The following GLT1D1 variants were observed in gnomAD, a reference collection of about 807,000 sequenced individuals.
GLT1D1 encodes glycosyltransferase 1 domain containing 1.
In GLT1D1, 21 loss-of-function variants were observed where a neutral mutation model predicts 28.7. The observed-to-expected ratio is 0.73, with a 90% CI of 0.52 to 1.05. GLT1D1 has a LOEUF of 1.05. Among genes scored for constraint, GLT1D1 ranks in the 50% least tolerant of loss-of-function variants. The probability of loss-of-function intolerance (pLI) is 0.00; values close to 1 mark genes in which losing one functional copy is unlikely to be tolerated. For synonymous variants in GLT1D1, 147 were observed against 124.8 expected, an observed-to-expected ratio of 1.18 and a Z score of -1.19; for missense variants, 343 against 330.6, an observed-to-expected ratio of 1.04 and a Z score of -0.29.
chr12:128,863,215 T>A (rs1319742924), intron 1 of GLT1D1, among the ~76,000 whole-genome samples: 10 of 152,072 alleles, frequency 6.6e-5, no homozygotes, highest in Non-Finnish European at 2.9e-5. Flanking sequence ...AAGGGTCTGA[T>A]CGAACACCGA....
At chr12:128,979,732 A>G (rs1384927644) in intron 7 of GLT1D1, among the ~76,000 whole-genome samples, 1 of 151,538 alleles carries the variant, frequency 6.6e-6, no homozygotes, top group Non-Finnish European at 1.5e-5. Flanking sequence ...CAGCCTGGGT[A>G]ACACTGCGAG....
intron 2 of GLT1D1, among the ~76,000 whole-genome samples, chr12:128,876,486 GT>G (rs763433189): frequency 1.5e-4 from 22 of 145,476 alleles, no homozygotes; most frequent in African/African-American, 5.5e-4. Flanking sequence ...TTAAATTTTT[GT>G]TTTTTTTTTC....
chr12:128,970,255 A>G (rs948688345), intron 7 of GLT1D1, among the ~76,000 whole-genome samples: 10 of 152,150 alleles, frequency 6.6e-5, no homozygotes, highest in African/African-American at 2.2e-4. Flanking sequence ...TGCCTGTTGC[A>G]GGTGCGTGCA....
chr12:128,933,532 A>G (rs1038411956), intron 4 of GLT1D1, among the ~76,000 whole-genome samples: 3 of 152,146 alleles, frequency 2.0e-5, no homozygotes, highest in African/African-American at 7.2e-5. Flanking sequence ...ATAATTTGCT[A>G]CTTAGGGTGT....
chr12:128,955,012 A>G (rs1013050675), intron 6 of GLT1D1, among the ~76,000 whole-genome samples: 1 of 152,030 alleles, frequency 6.6e-6, no homozygotes, highest in Non-Finnish European at 1.5e-5. Context: ...TCTTCCCACT[A>G]CCCTTTTGAA....
In GLT1D1 at chr12:128,942,735, G is replaced by GTTTTTTTTTTTTTTTTTTTTTTT. The variant is rs1397894974; in HGVS notation, c.376-2588_376-2587insTTTTTTTTTTTTTTTTTTTTTTT. Reference sequence around the variant, plus strand: ...ATCACTTTAGATTCCAATTTTCTTTGTTTGTTTGTTTTTGTTTTTTGTTTT... The same window carrying GTTTTTTTTTTTTTTTTTTTTTTT: ...ATCACTTTAGATTCCAATTTTCTTTGTTTTTTTTTTTTTTTTTTTTTTTTTTGTTTGTTTTTGTTTTTTGTTTT... On this transcript the variant is annotated intron_variant, in intron 4 of 7. Transcript: ENST00000281703. Among the ~76,000 whole-genome samples the GTTTTTTTTTTTTTTTTTTTTTTT allele has an allele frequency of 1.1e-4, 10 of 89,558 alleles. 3 individuals are homozygous for GTTTTTTTTTTTTTTTTTTTTTTT. Among genetic ancestry groups the GTTTTTTTTTTTTTTTTTTTTTTT allele is most frequent in the African/African-American group, 4.3e-4 (10 of 23,160 alleles). 58.8% of individuals were successfully genotyped at this position (89,558 alleles called of 152,430 possible).
chr12:128,874,098 T>TCTC (rs1956788545), intron 1 of GLT1D1, among the ~76,000 whole-genome samples: 3 of 33,048 alleles, frequency 9.1e-5, no homozygotes, highest in Non-Finnish European at 1.6e-4. Context: ...CTTTCTTTCT[T>TCTC]TCTCTCTCTC....
chr12:128,887,899 T>C (rs1868578625), intron 2 of GLT1D1, among the ~76,000 whole-genome samples: 1 of 152,150 alleles, frequency 6.6e-6, no homozygotes, highest in Non-Finnish European at 1.5e-5. Context: ...TTGGGAGTCC[T>C]TTCGGGGAGT....
chr12:128,925,912 G>A (rs1036054383), intron 4 of GLT1D1, among the ~76,000 whole-genome samples: 1 of 151,958 alleles, frequency 6.6e-6, no homozygotes, highest in Admixed American at 6.6e-5. Flanking sequence ...GAGTAGGGGC[G>A]GGGTGTGGTG....
chr12:128,972,640 G>C (rs1035719020), intron 7 of GLT1D1, among the ~76,000 whole-genome samples: 3 of 152,174 alleles, frequency 2.0e-5, no homozygotes, highest in African/African-American at 7.2e-5. Flanking sequence ...GGATTATCTC[G>C]TTTAACCTGC....
chr12:128,966,785 C>A (rs7342369), intron 7 of GLT1D1, among the ~76,000 whole-genome samples: 86,564 of 146,690 alleles, frequency 0.59, 26,821 homozygotes, highest in Admixed American at 0.71. Context: ...AATAAAAAGC[C>A]ATTTTTAATT....
intron 4 of GLT1D1, among the ~76,000 whole-genome samples, chr12:128,917,216 G>A (rs2135896024): frequency 6.6e-6 from 1 of 152,238 alleles, no homozygotes; most frequent in East Asian, 1.9e-4. Flanking sequence ...TGTTGGTATA[G>A]GGTAATAGTA....
chr12:128,866,913 G>A (rs952495944), intron 1 of GLT1D1, among the ~76,000 whole-genome samples: 15 of 151,698 alleles, frequency 9.9e-5, no homozygotes, highest in Non-Finnish European at 1.9e-4. Context: ...GAGCCACTGC[G>A]CCAGCCACCT....
chr12:128,984,799 G>T lies in GLT1D1; in HGVS notation c.*1709G>T, dbSNP rs549090732. 6.6e-6 allele frequency: 1 copy of T among 152,336 alleles called. No homozygotes were observed. The highest frequency in any genetic ancestry group is 2.1e-4 in the South Asian group (1 of 4,828). 9.4% of individuals were successfully genotyped at this position (152,336 alleles called of 1,614,324 possible). On this transcript the variant is annotated 3_prime_UTR_variant, in exon 8 of 8. Coordinates refer to ENST00000281703, the MANE Select transcript of GLT1D1 (RefSeq NM_144669.3). ...GCTATTTACAAAACACTGATCGTCC[G>T]AAAGCTTGAATCTGTTCCTCCTCGA... is the stretch of plus-strand genomic sequence containing the variant.
intron 7 of GLT1D1, among the ~76,000 whole-genome samples, chr12:128,973,848 G>C (rs889495023): frequency 1.3e-5 from 2 of 151,366 alleles, no homozygotes; most frequent in Non-Finnish European, 2.9e-5. Flanking sequence ...GTTGTTTTTA[G>C]CTTCATCGGT....
At chr12:128,918,572 G>A (rs1456056395) in intron 4 of GLT1D1, among the ~76,000 whole-genome samples, 2 of 152,130 alleles carry the variant, frequency 1.3e-5, no homozygotes, top group Non-Finnish European at 2.9e-5. Context: ...AAATTTCCAA[G>A]CATTTTATCA....
At chr12:128,981,689 T>A (rs953440016) in intron 7 of GLT1D1, among the ~76,000 whole-genome samples, 1 of 152,258 alleles carries the variant, frequency 6.6e-6, no homozygotes, top group African/African-American at 2.4e-5. Context: ...CATTGCTGCC[T>A]TCTTGGAATT....
At chr12:128,948,635 T>C (rs1235447545) in intron 6 of GLT1D1, among the ~76,000 whole-genome samples, 1 of 152,246 alleles carries the variant, frequency 6.6e-6, no homozygotes, top group African/African-American at 2.4e-5. Flanking sequence ...TGTCAGTGTC[T>C]ACTTAGGTTC....
At chr12:128,926,383 T>G (rs1566139364) in intron 4 of GLT1D1, 5 of 1,528,206 alleles carry the variant, frequency 3.3e-6, no homozygotes, top group Admixed American at 2.0e-5. Context: ...GCTGATAATT[T>G]GCACATATTT....
Sources: allele counts gnomAD v4.1 joint callset (sites outside exome capture counted in the v4.1 genomes callset), GRCh38; gene constraint gnomAD v4.1.1; transcripts MANE v1.5; gene names NCBI Gene and HGNC (gene_info 2026-07-23, HGNC 2026-07-21).